Variants in DNM3 observed in about 807,000 individuals in gnomAD.
The protein encoded by DNM3 is dynamin-3.
Under a neutral mutation model 101.6 loss-of-function variants are expected in DNM3, and 47 were observed. That is an observed-to-expected ratio of 0.46 (90% CI 0.37 to 0.59). DNM3 has a LOEUF of 0.59. Ranked by LOEUF, DNM3 falls within the 20% of genes least tolerant of loss-of-function variation. DNM3 has a pLI of 0.00. For synonymous variants in DNM3, 385 were observed against 387.9 expected (o/e 0.99, Z 0.09); for missense variants, 849 against 1,085.7 (o/e 0.78, Z 3.06).
intron 13 of DNM3, among the ~76,000 whole-genome samples, chr1:172,129,473 A>T (rs1413786593): frequency 6.6e-6 from 1 of 151,830 alleles, no homozygotes; most frequent in Non-Finnish European, 1.5e-5. Context: ...TGCTGCTGAT[A>T]AAGACATACC....
At chr1:172,370,807 A>G (rs965332193) in intron 17 of DNM3, among the ~76,000 whole-genome samples, 1 of 151,940 alleles carries the variant, frequency 6.6e-6, no homozygotes, top group African/African-American at 2.4e-5. Flanking sequence ...GTCTCACAAG[A>G]TATTTGTGAG....
At chr1:172,070,356 T>A (rs540949888) in intron 11 of DNM3, among the ~76,000 whole-genome samples, 1 of 152,314 alleles carries the variant, frequency 6.6e-6, no homozygotes, top group Non-Finnish European at 1.5e-5. Context: ...AAAACTTAAG[T>A]TCTTAAGAAT....
chr1:172,136,030 G>A (rs1395465271), intron 14 of DNM3, among the ~76,000 whole-genome samples: 1 of 151,968 alleles, frequency 6.6e-6, no homozygotes, highest in Non-Finnish European at 1.5e-5. Flanking sequence ...GCTACTCCTA[G>A]GCAAGCAGAA....
rs189763700 is a variant in DNM3, at chr1:172,174,939, C to T, written c.1659+43651C>T. On this transcript the variant is annotated intron_variant, in intron 14 of 20. Transcript: ENST00000627582. ...TTTATATCTTTCAAGAACAGAAAGTCGAATAGTGGGATCAGCATCAAGTTG... is the reference window on the plus strand; with the variant it reads ...TTTATATCTTTCAAGAACAGAAAGTTGAATAGTGGGATCAGCATCAAGTTG... Among the ~76,000 whole-genome samples the T allele has an allele frequency of 1.9e-3, 289 of 151,706 alleles. 2 individuals carry two copies. The highest frequency in any genetic ancestry group is 3.7e-4 in the Non-Finnish European group (25 of 67,754).
chr1:172,069,306 A>G (rs888056193), intron 11 of DNM3, among the ~76,000 whole-genome samples: 1 of 152,228 alleles, frequency 6.6e-6, no homozygotes, highest in Admixed American at 6.5e-5. Flanking sequence ...AAGATTCACA[A>G]ACTCCTAAAA....
At chr1:172,003,611 G>C (rs1004468407) in intron 4 of DNM3, among the ~76,000 whole-genome samples, 1 of 150,908 alleles carries the variant, frequency 6.6e-6, no homozygotes, top group Non-Finnish European at 1.5e-5. Context: ...CATTTCTTGA[G>C]TGGCTGCCAG....
intron 1 of DNM3, among the ~76,000 whole-genome samples, chr1:171,842,650 C>T (rs983284458): frequency 2.0e-5 from 3 of 152,206 alleles, no homozygotes; most frequent in Non-Finnish European, 2.9e-5. Context: ...CCCCCTCCCC[C>T]AGCATCATCT....
At chr1:172,116,213 A>G (rs1192542912) in intron 13 of DNM3, among the ~76,000 whole-genome samples, 2 of 152,022 alleles carry the variant, frequency 1.3e-5, no homozygotes, top group Non-Finnish European at 2.9e-5. Context: ...CCCCTTTTTC[A>G]ATTTGTGTCA....
rs189176849 is a variant in DNM3 at position 172,323,829 on chromosome 1, C to G, written c.1893+489C>G. On this transcript the variant is annotated intron_variant, in intron 17 of 20. Coordinates refer to ENST00000627582, the MANE Select transcript of DNM3 (RefSeq NM_015569.5). ...GATCAGTGTTCTGGCTTTGAAGGTG[C>G]CTTAAAATGGATGGAGGAGGGTGGG... is the stretch of plus-strand genomic sequence containing the variant. Among the ~76,000 whole-genome samples the G allele has an allele frequency of 1.4e-3, 215 of 152,154 alleles. 2 individuals are homozygous for G. The highest frequency in any genetic ancestry group is 1.2e-3 in the South Asian group (6 of 4,806).
At chr1:172,090,145 C>T (rs2053810713) in intron 12 of DNM3, among the ~76,000 whole-genome samples, 1 of 152,206 alleles carries the variant, frequency 6.6e-6, no homozygotes, top group Admixed American at 6.5e-5. Context: ...GGGTCTATCA[C>T]AGGTTTTCAC....
At chr1:171,929,786 G>A (rs558855337) in intron 2 of DNM3, among the ~76,000 whole-genome samples, 35 of 152,250 alleles carry the variant, frequency 2.3e-4, no homozygotes, top group African/African-American at 7.0e-4. Flanking sequence ...GGGAGGTCCC[G>A]CCTAGTGAGG....
Position 172,410,449 on chromosome 1 carries a change from T to C in DNM3, c.*2608T>C, listed in dbSNP as rs2071141622. Reference sequence around the variant, plus strand: ...TCTAGCATAATTTAAAAAATCAGTGTTTTTAGGATTTGGGAAAATAAACTG... The same window carrying C: ...TCTAGCATAATTTAAAAAATCAGTGCTTTTAGGATTTGGGAAAATAAACTG... On this transcript the variant is annotated 3_prime_UTR_variant, in exon 21 of 21. Coordinates refer to ENST00000627582, the MANE Select transcript of DNM3 (RefSeq NM_015569.5). 2.0e-6 allele frequency: 2 copies of C among 984,662 alleles called. No individual in the cohort carries two copies. The highest frequency in any genetic ancestry group is 2.4e-6 in the Non-Finnish European group (2 of 829,250). 61.0% of individuals were successfully genotyped at this position (984,662 alleles called of 1,614,324 possible).
chr1:172,066,429 T>G (rs1302143070), intron 10 of DNM3, among the ~76,000 whole-genome samples: 1 of 152,136 alleles, frequency 6.6e-6, no homozygotes, highest in Non-Finnish European at 1.5e-5. Flanking sequence ...ATTGTAAGGG[T>G]GCTGAGTGTG....
chr1:171,984,410 G>T (rs946857937), intron 2 of DNM3, among the ~76,000 whole-genome samples: 7 of 151,772 alleles, frequency 4.6e-5, no homozygotes, highest in Admixed American at 3.9e-4. Context: ...CCTCCACACC[G>T]CCCGGTGCTC....
intron 16 of DNM3, among the ~76,000 whole-genome samples, chr1:172,319,568 A>C (rs2065587746): frequency 1.3e-5 from 2 of 152,228 alleles, no homozygotes; most frequent in Non-Finnish European, 2.9e-5. Flanking sequence ...AAAAGTGGGC[A>C]AAGGATATGA....
At chr1:172,373,567 T>A (rs1353161512) in intron 17 of DNM3, among the ~76,000 whole-genome samples, 1 of 152,104 alleles carries the variant, frequency 6.6e-6, no homozygotes, top group Non-Finnish European at 1.5e-5. Flanking sequence ...ATTTTTATTA[T>A]AAATGCAGCC....
At chr1:172,143,281 T>C (rs567613769) in intron 14 of DNM3, among the ~76,000 whole-genome samples, 95 of 152,274 alleles carry the variant, frequency 6.2e-4, no homozygotes, top group African/African-American at 2.2e-3. Flanking sequence ...AGAGATTATG[T>C]TTATTTTTCA....
At chr1:171,973,193 T>C (rs539027033) in intron 2 of DNM3, among the ~76,000 whole-genome samples, 1 of 152,084 alleles carries the variant, frequency 6.6e-6, no homozygotes, top group Non-Finnish European at 1.5e-5. Context: ...AAGCTAAGAA[T>C]TGGAATCAAA....
At chr1:172,306,324 A>G (rs1459240236) in intron 15 of DNM3, among the ~76,000 whole-genome samples, 2 of 152,238 alleles carry the variant, frequency 1.3e-5, no homozygotes, top group African/African-American at 4.8e-5. Flanking sequence ...CTTACAAGGC[A>G]TGTGAAGCAC....
Sources: gnomAD v4.1 joint callset for allele counts (sites outside exome capture counted in the v4.1 genomes callset) on GRCh38, gnomAD v4.1.1 for gene constraint, MANE v1.5 for transcripts, NCBI Gene and HGNC (gene_info 2026-07-23, HGNC 2026-07-21) for gene names.